The following CWC22 variants were observed in gnomAD, a reference collection of about 807,000 sequenced individuals.
CWC22 encodes the protein pre-mRNA-splicing factor CWC22 homolog.
Under a neutral mutation model 117.2 loss-of-function variants are expected in CWC22, and 53 were observed. That is an observed-to-expected ratio of 0.45 (90% CI 0.36 to 0.57). CWC22 has a LOEUF of 0.57. CWC22 is among the 20% of genes least tolerant of loss of function. The pLI, the probability that CWC22 is intolerant of heterozygous loss-of-function variation, is 0.00. For missense variants in CWC22, 980 were observed against 1,068.8 expected, an observed-to-expected ratio of 0.92 and a Z score of 1.16; for synonymous variants, 360 against 355.6, an observed-to-expected ratio of 1.01 and a Z score of -0.14.
chr2:179,970,412 G>A (rs1181459528), intron 11 of CWC22, 89 bp downstream of exon 11: 1 of 1,226,540 alleles, frequency 8.2e-7, no homozygotes, highest in African/African-American at 1.5e-5. Flanking sequence ...ATTAGGTGGG[G>A]ATCTCTAAAT....
At chr2:179,988,492 A>G in intron 3 of CWC22, 85 bp downstream of exon 3, 1 of 731,778 alleles carries the variant, frequency 1.4e-6, no homozygotes, top group Non-Finnish European at 2.2e-6. Context: ...TATCCACCCT[A>G]AAATTAGAAA....
intron 19 of CWC22, among the ~76,000 whole-genome samples, chr2:179,946,466 G>GAAAAAA (rs1559282496): frequency 1.0e-5 from 1 of 100,262 alleles, no homozygotes; most frequent in African/African-American, 4.0e-5. Flanking sequence ...AAAAAAAAAG[G>GAAAAAA]GGGGGGGGGA....
At position 179,970,844 on chromosome 2, in the gene CWC22, C is replaced by T. The variant is rs376887188; in HGVS notation, c.953G>A (p.Arg318His). 7.4e-6 allele frequency: 12 copies of T among 1,613,000 alleles called. No individual in the cohort carries two copies. The highest frequency in any genetic ancestry group is 1.6e-4 in the Middle Eastern group (1 of 6,082). Residue 318 changes from arginine (R) to histidine (H), a missense_variant, in exon 10 of 20, where the codon CGC (arginine) becomes CAC (histidine). By Grantham distance (29) the Arg-to-His change is conservative (BLOSUM62 0). This residue lies in a region of CWC22 where 559 missense variants were observed against 602.3 expected (regional missense o/e 0.93). Transcript: ENST00000410053. Reference sequence around the variant, plus strand: ...AGACTCATGCAGAATGTTTCGAAGGCGTTCAAATATAGCTAAAAGTTAACA... The same window carrying T: ...AGACTCATGCAGAATGTTTCGAAGGTGTTCAAATATAGCTAAAAGTTAACA... ...SPRGINAIFE[R>H]LRNILHESEI...
intron 13 of CWC22, 116 bp downstream of exon 13, chr2:179,964,431 A>G: frequency 3.5e-6 from 2 of 572,646 alleles, no homozygotes; most frequent in South Asian, 5.0e-5. Context: ...AGAGAGTCTA[A>G]GAATGCTGAA....
chr2:180,005,151 G>C (rs1434318672), intron 1 of CWC22, among the ~76,000 whole-genome samples: 1 of 152,100 alleles, frequency 6.6e-6, no homozygotes, highest in African/African-American at 2.4e-5. Flanking sequence ...TGCTGATTCA[G>C]AAGACATTTT....
At chr2:179,964,865 G>T (rs1332616807) in intron 12 of CWC22, among the ~76,000 whole-genome samples, 1 of 152,066 alleles carries the variant, frequency 6.6e-6, no homozygotes, top group Non-Finnish European at 1.5e-5. Flanking sequence ...AACTATTTTT[G>T]TTTATCTGTT....
intron 4 of CWC22, among the ~76,000 whole-genome samples, chr2:179,982,414 G>T (rs1414402466): frequency 6.6e-6 from 1 of 152,170 alleles, no homozygotes; most frequent in Non-Finnish European, 1.5e-5. Context: ...TACTGGAGGT[G>T]ATGGGGAATC....
intron 4 of CWC22, among the ~76,000 whole-genome samples, chr2:179,985,819 A>AAT (rs1687405008): frequency 6.9e-6 from 1 of 145,572 alleles, no homozygotes; most frequent in East Asian, 2.1e-4. Flanking sequence ...GAAAAAACAT[A>AAT]GTATATATAT....
At chr2:179,980,865 C>A (rs1019468503) in intron 5 of CWC22, among the ~76,000 whole-genome samples, 2 of 152,132 alleles carry the variant, frequency 1.3e-5, no homozygotes, top group Non-Finnish European at 2.9e-5. Flanking sequence ...AGTTATCTGG[C>A]AACTGAATAA....
chr2:179,947,784 C>G (rs1415794226), intron 19 of CWC22, among the ~76,000 whole-genome samples: 2 of 152,102 alleles, frequency 1.3e-5, no homozygotes, highest in Non-Finnish European at 2.9e-5. Context: ...CACTTTGAAA[C>G]ATAACAAGCT....
chr2:179,987,361 G>C (rs549787063), intron 3 of CWC22, among the ~76,000 whole-genome samples: 10 of 152,232 alleles, frequency 6.6e-5, no homozygotes, highest in Admixed American at 6.5e-4. Context: ...AATAAAATCA[G>C]AGAACCTTAA....
intron 14 of CWC22, among the ~76,000 whole-genome samples, chr2:179,958,772 A>C (rs1686671614): frequency 6.6e-6 from 1 of 152,180 alleles, no homozygotes; most frequent in Non-Finnish European, 1.5e-5. Flanking sequence ...AATTCTACAT[A>C]AAGTGCAGTG....
At chr2:179,950,377 C>A in intron 19 of CWC22, 135 bp downstream of exon 19, 1 of 603,902 alleles carries the variant, frequency 1.7e-6, no homozygotes, top group South Asian at 2.1e-5. Context: ...TAGATGGGAC[C>A]ATTTGTATTA....
intron 4 of CWC22, 114 bp from the exon 5 acceptor site, chr2:179,982,111 A>G (rs1462396826): frequency 1.6e-6 from 1 of 640,632 alleles, no homozygotes; most frequent in Admixed American, 2.9e-5. Context: ...CAGACTAGGA[A>G]AAGTGGTTTA....
chr2:179,997,331 A>G (rs910557617), intron 1 of CWC22, among the ~76,000 whole-genome samples: 1 of 152,178 alleles, frequency 6.6e-6, no homozygotes, highest in Admixed American at 6.5e-5. Flanking sequence ...CTAAAAAAAA[A>G]AAGTACAAAA....
At chr2:179,952,927 T>C (rs1686489795) in intron 16 of CWC22, among the ~76,000 whole-genome samples, 2 of 152,086 alleles carry the variant, frequency 1.3e-5, no homozygotes, top group Non-Finnish European at 1.5e-5. Context: ...ATGTGGTGTA[T>C]ATGAAGGTTT....
intron 19 of CWC22, among the ~76,000 whole-genome samples, chr2:179,946,213 G>A (rs562537622): frequency 6.6e-6 from 1 of 152,054 alleles, no homozygotes; most frequent in Non-Finnish European, 1.5e-5. Flanking sequence ...GGAAGCAGAG[G>A]GGGTGGGGGA....
intron 4 of CWC22, 22 bp downstream of exon 4, chr2:179,986,673 G>T: frequency 7.4e-7 from 1 of 1,358,956 alleles, no homozygotes; most frequent in Non-Finnish European, 1.0e-6. Flanking sequence ...TTTTCTACAA[G>T]TTAGAAATTC....
chr2:179,999,306 G>A lies in CWC22; in HGVS notation c.-113-5852C>T, dbSNP rs185681139. On this transcript the variant is annotated intron_variant, in intron 1 of 19. Transcript: ENST00000410053. ...TCTGCTCTTCTAAGCATCACTATGT[G>A]AATTTTATGGTGAATTATTAAATTT... Among the ~76,000 whole-genome samples the A allele has an allele frequency of 4.6e-3, 697 of 152,158 alleles. 2 individuals are homozygous for A. The highest frequency in any genetic ancestry group is 7.2e-3 in the Non-Finnish European group (490 of 67,964).
Sources: gnomAD v4.1 joint callset for allele counts (sites outside exome capture counted in the v4.1 genomes callset) on GRCh38, gnomAD v4.1.1 for gene constraint, gnomAD v4.1.1 regional missense constraint, MANE v1.5 for transcripts, NCBI Gene and HGNC (gene_info 2026-07-23, HGNC 2026-07-21) for gene names.